The following SLC25A30 variants were observed in gnomAD, a reference collection of about 807,000 sequenced individuals.
SLC25A30 encodes the protein kidney mitochondrial carrier protein 1.
In SLC25A30, 29 loss-of-function variants were observed where a neutral mutation model predicts 42.7. The ratio of observed to expected loss-of-function variants is 0.68; its 90% CI spans 0.51 to 0.93. The LOEUF is 0.93. SLC25A30 is among the 40% of genes least tolerant of loss of function. The pLI is 0.00. For missense variants in SLC25A30, 300 were observed against 359.7 expected (o/e 0.83, Z 1.34); for synonymous variants, 124 against 131.0 (o/e 0.95, Z 0.37).
the SLC25A30 span, among the ~76,000 whole-genome samples, chr13:45,423,809 T>TAA: frequency 2.3e-3 from 98 of 42,564 alleles, 2 homozygotes; most frequent in African/African-American, 7.3e-3. Flanking sequence ...TATTTATATA[T>TAA]ATAAAAATAT....
At chr13:45,423,594 T>TATATATATAAATATATAAA in the SLC25A30 span, among the ~76,000 whole-genome samples, 1 of 92,114 alleles carries the variant, frequency 1.1e-5, no homozygotes, top group South Asian at 3.4e-4. Context: ...TATATAAATA[T>TATATATATAAATATATAAA]ATATATATAT....
chr13:45,424,248 T>TAA, the SLC25A30 span, among the ~76,000 whole-genome samples: 1 of 33,852 alleles, frequency 3.0e-5, no homozygotes, highest in Non-Finnish European at 5.5e-5. Flanking sequence ...TATAAATATA[T>TAA]AAATATATGT....
chr13:45,401,090 G>A lies in SLC25A30; in HGVS notation c.607C>T (p.His203Tyr). The change falls in exon 7 of 10, where the codon CAC (histidine) becomes TAC (tyrosine). Residue 203 changes from histidine (H) to tyrosine (Y), a missense_variant. Coordinates refer to ENST00000519676, the MANE Select transcript of SLC25A30 (RefSeq NM_001010875.4). ...SGLMGDTVYT[H>Y]FLSSFTCGLA... is the part of the protein sequence containing the mutation. Reference sequence around the variant, plus strand: ...AAAAAGCCATGAACATACAGGAAGTGGGTATACACAGTGTCTCCCATCAGG... The same window carrying A: ...AAAAAGCCATGAACATACAGGAAGTAGGTATACACAGTGTCTCCCATCAGG... 1 of 1,610,208 alleles carries A rather than the reference G, an allele frequency of 6.2e-7. No homozygotes were observed. Among genetic ancestry groups the A allele is most frequent in the Non-Finnish European group, 8.5e-7 (1 of 1,177,418 alleles).
rs774288890 is a variant in SLC25A30 at position 45,397,239 on chromosome 13, T to C, written c.834+19A>G. 6.5e-7 allele frequency: 1 copy of C among 1,535,694 alleles called. No homozygotes were observed. Among genetic ancestry groups the C allele is most frequent in the South Asian group, 1.1e-5 (1 of 88,186 alleles). On this transcript the variant is annotated intron_variant, in intron 9 of 9. Transcript: ENST00000519676. The stretch of plus-strand genomic sequence containing the variant: ...TTAGCTGTATCTTTTTTCAGATCTA[T>C]TGCAACAGAAAAGGATACAATGATA...
At chr13:45,424,488 A>AATATATAAATATATAAAAAT in the SLC25A30 span, among the ~76,000 whole-genome samples, 14 of 42,362 alleles carry the variant, frequency 3.3e-4, 3 homozygotes, top group African/African-American at 8.3e-4. Flanking sequence ...TATGTATATA[A>AATATATAAATATATAAAAAT]ATATATAAAT....
the SLC25A30 span, among the ~76,000 whole-genome samples, chr13:45,429,056 C>CTTTTTTTTTTTTT: frequency 1.1e-5 from 1 of 93,860 alleles, no homozygotes; most frequent in Non-Finnish European, 1.9e-5. Flanking sequence ...TGTGCAAGCT[C>CTTTTTTTTTTTTT]TTTTTTTTTT....
At chr13:45,425,709 T>C in the SLC25A30 span, among the ~76,000 whole-genome samples, 1 of 139,078 alleles carries the variant, frequency 7.2e-6, no homozygotes, top group Non-Finnish European at 1.5e-5. Flanking sequence ...TATATATTTT[T>C]TGGGACTGAG....
Position 45,408,933 on chromosome 13 carries a change from T to C in SLC25A30, c.206A>G (p.Tyr69Cys). ...IGREEGLKAL[Y>C]SGIAPAMLRQ... Reference sequence around the variant, plus strand: ...TGCATGAAGGCCTACTCACCCCGAGTAGAGTGCTTTCAGCCCTTCTTCTCT... The same window carrying C: ...TGCATGAAGGCCTACTCACCCCGAGCAGAGTGCTTTCAGCCCTTCTTCTCT... Residue 69 changes from tyrosine (Y) to cysteine (C), a missense_variant, in exon 3 of 10, where the codon TAC becomes TGC. By Grantham distance (194) the Tyr-to-Cys change is radical. Coordinates refer to ENST00000519676, the MANE Select transcript of SLC25A30 (RefSeq NM_001010875.4). The C allele has an allele frequency of 6.2e-7, 1 of 1,608,636 alleles. No individual in the cohort carries two copies.
the SLC25A30 span, among the ~76,000 whole-genome samples, chr13:45,425,741 G>T: frequency 7.0e-6 from 1 of 142,028 alleles, no homozygotes; most frequent in East Asian, 2.0e-4. Flanking sequence ...CCCCCAGGCT[G>T]GAGGGCAGTG....
At chr13:45,396,346 G>C in intron 9 of SLC25A30, 36 of 1,095,610 alleles carry the variant, frequency 3.3e-5, no homozygotes, top group South Asian at 5.2e-5. Flanking sequence ...GAGAGAGAGA[G>C]TTAGCAAGCC....
intron 6 of SLC25A30, 97 bp from the exon 7 acceptor site, chr13:45,401,304 A>T: frequency 7.8e-7 from 1 of 1,285,718 alleles, no homozygotes; most frequent in Non-Finnish European, 1.1e-6. Context: ...ACTATGATCA[A>T]GGTTTATCTT....
the SLC25A30 span, among the ~76,000 whole-genome samples, chr13:45,423,885 A>G: frequency 2.2e-5 from 1 of 44,538 alleles, no homozygotes; most frequent in South Asian, 5.2e-4. Flanking sequence ...ATATAAAAAT[A>G]TATATATAAA....
At chr13:45,425,731 C>T in the SLC25A30 span, among the ~76,000 whole-genome samples, 13 of 140,106 alleles carry the variant, frequency 9.3e-5, no homozygotes, top group East Asian at 1.8e-3. Flanking sequence ...CTCGCTGTAT[C>T]CCCCAGGCTG....
chr13:45,421,621 C>T (rs1332660490), upstream of SLC25A30, among the ~76,000 whole-genome samples: 1 of 152,264 alleles, frequency 6.6e-6, no homozygotes, highest in Middle Eastern at 3.4e-3. Flanking sequence ...TTTATTAGCT[C>T]TCTGGCCTTG....
chr13:45,428,842 A>C, the SLC25A30 span, among the ~76,000 whole-genome samples: 5 of 134,272 alleles, frequency 3.7e-5, no homozygotes, highest in East Asian at 2.0e-4. Context: ...TTTAAAGCCT[A>C]ATTTGGGTGG....
intron 8 of SLC25A30, 40 bp from the exon 9 acceptor site, chr13:45,397,378 A>G: frequency 7.2e-7 from 1 of 1,384,278 alleles, no homozygotes; most frequent in Non-Finnish European, 1.0e-6. Flanking sequence ...CCAACTTTCT[A>G]ATTATGCCAA....
chr13:45,417,609 A>G (rs1883645433), intron 1 of SLC25A30, among the ~76,000 whole-genome samples: 1 of 152,198 alleles, frequency 6.6e-6, no homozygotes. Flanking sequence ...CGCGGTCACA[A>G]AGCTTCGCAA....
chr13:45,406,161 C>T (rs1882488214), intron 3 of SLC25A30, among the ~76,000 whole-genome samples, 184 bp from the exon 4 acceptor site: 1 of 152,080 alleles, frequency 6.6e-6, no homozygotes, highest in Non-Finnish European at 1.5e-5. Flanking sequence ...CAGCTCACTG[C>T]AACCTCTGCC....
chr13:45,401,950 C>A (rs1020494262), intron 6 of SLC25A30, among the ~76,000 whole-genome samples: 1 of 151,658 alleles, frequency 6.6e-6, no homozygotes, highest in African/African-American at 2.4e-5. Flanking sequence ...ATCCCAGTTA[C>A]TCAGGAGGCT....
Sources: gnomAD v4.1 joint callset for allele counts (sites outside exome capture counted in the v4.1 genomes callset) on GRCh38, gnomAD v4.1.1 for gene constraint, MANE v1.5 for transcripts, NCBI Gene and HGNC (gene_info 2026-07-23, HGNC 2026-07-21) for gene names.